Variants in ZNF714 observed in about 807,000 individuals in gnomAD.
ZNF714 encodes zinc finger protein 714.
A neutral mutation model predicts 46.2 loss-of-function variants in ZNF714; 32 were observed. The observed-to-expected ratio is 0.69, with a 90% CI of 0.52 to 0.93. The LOEUF (loss-of-function observed/expected upper bound fraction) is 0.93. Ranked by LOEUF, ZNF714 falls within the 40% of genes least tolerant of loss-of-function variation. The pLI, the probability that ZNF714 is intolerant of heterozygous loss-of-function variation, is 0.00. For missense variants in ZNF714, 635 were observed against 646.3 expected (o/e 0.98, Z 0.19); for synonymous variants, 199 against 213.1 (o/e 0.93, Z 0.58).
chr19:21,096,649 C>G (rs1296241248), intron 2 of ZNF714, among the ~76,000 whole-genome samples: 1 of 152,072 alleles, frequency 6.6e-6, no homozygotes, highest in African/African-American at 2.4e-5. Context: ...GAATTCCTAC[C>G]ATGAATTTAT....
At chr19:21,111,227 G>A (rs1254439845) in intron 4 of ZNF714, among the ~76,000 whole-genome samples, 1 of 151,718 alleles carries the variant, frequency 6.6e-6, no homozygotes, top group Non-Finnish European at 1.5e-5. Flanking sequence ...TTTTGTTTGT[G>A]TCCTCTCTGA....
At chr19:21,115,592 G>A (rs1969576878) in intron 4 of ZNF714, among the ~76,000 whole-genome samples, 1 of 151,420 alleles carries the variant, frequency 6.6e-6, no homozygotes, top group Admixed American at 6.6e-5. Context: ...TTTCCTTCTG[G>A]CCTGCAAAGC....
chr19:21,107,928 A>G (rs1969361153), intron 4 of ZNF714, among the ~76,000 whole-genome samples: 1 of 152,052 alleles, frequency 6.6e-6, no homozygotes, highest in Non-Finnish European at 1.5e-5. Context: ...TGGTCTTCTT[A>G]TTTATTGTCG....
chr19:21,106,580 A>C (rs944587971), intron 4 of ZNF714, among the ~76,000 whole-genome samples: 18 of 151,950 alleles, frequency 1.2e-4, no homozygotes, highest in African/African-American at 4.1e-4. Context: ...AAAAAAAAAA[A>C]AAAACAAATA....
chr19:21,098,961 A>AC, intron 4 of ZNF714, 51 bp downstream of exon 4: 1 of 754,666 alleles, frequency 1.3e-6, no homozygotes, highest in Non-Finnish European at 1.9e-6. Flanking sequence ...TACAAAGGTA[A>AC]AAAAAAAAAA....
rs1300297076 is a variant in ZNF714 at position 21,124,662 on chromosome 19, C to T, written c.*6330C>T. 1.3e-5 allele frequency among the ~76,000 whole-genome samples: 2 copies of T among 152,112 alleles called. No homozygotes were observed. Among genetic ancestry groups the T allele is most frequent in the Non-Finnish European group, 2.9e-5 (2 of 68,016 alleles). On this transcript the variant is annotated 3_prime_UTR_variant, in exon 5 of 5. Transcript: ENST00000456283. ...AAAAATCCAAATACATTATTATGAA[C>T]TATAGTCACCATGTTGTACAATAAA...
At chr19:21,099,209 G>T (rs890145792) in intron 4 of ZNF714, among the ~76,000 whole-genome samples, 2 of 151,688 alleles carry the variant, frequency 1.3e-5, no homozygotes, top group African/African-American at 4.8e-5. Context: ...ACAGAGTTTC[G>T]CTTTGGTTGC....
rs1324362601 is a variant in ZNF714 at position 21,123,887 on chromosome 19, C to G, written c.*5555C>G. 6.6e-6 allele frequency: 1 copy of G among 152,096 alleles called. No individual in the cohort carries two copies. The highest frequency in any genetic ancestry group is 6.5e-5 in the Admixed American group (1 of 15,268). 9.4% of individuals were successfully genotyped at this position (152,096 alleles called of 1,614,324 possible). ...ACGGTTTTTATTTTTAGTCACCAAG[C>G]TGTAGCCAACTCCTGGGTCATTTTC... On this transcript the variant is annotated 3_prime_UTR_variant, in exon 5 of 5. Transcript: ENST00000456283.
chr19:21,099,867 T>G (rs902246760), intron 4 of ZNF714, among the ~76,000 whole-genome samples: 1 of 152,196 alleles, frequency 6.6e-6, no homozygotes, highest in Non-Finnish European at 1.5e-5. Flanking sequence ...AATTTTGTGT[T>G]GTTGTTGAGA....
At chr19:21,085,192 G>A (rs73020644) in intron 2 of ZNF714, among the ~76,000 whole-genome samples, 11,835 of 152,130 alleles carry the variant, frequency 0.078, 510 homozygotes, top group Non-Finnish European at 0.087. Flanking sequence ...ATGTCCATAA[G>A]AAAATGTGGT....
chr19:21,084,051 G>A lies in ZNF714; in HGVS notation c.-103G>A. On this transcript the variant is annotated 5_prime_UTR_variant, in exon 2 of 5. Transcript: ENST00000456283. ...CTGGGGCAGAGAGGAAGCTTCTAGT[G>A]TACTCTTACTTTGAAAAGGTAATCA... The A allele has an allele frequency of 8.4e-7, 1 of 1,191,294 alleles. No individual in the cohort carries two copies. 73.8% of individuals were successfully genotyped at this position (1,191,294 alleles called of 1,614,324 possible). A position where few individuals can be genotyped will look rare whatever the true frequency, so the allele number is the denominator to read the frequency against.
rs530753992 is a variant in ZNF714, at chr19:21,094,211, G to A, written c.-84-3974G>A. 3.3e-5 allele frequency among the ~76,000 whole-genome samples: 5 copies of A among 152,126 alleles called. No individual in the cohort carries two copies. In the South Asian group the frequency reaches 1.0e-3, roughly 32 times the overall value. Reference sequence around the variant, plus strand: ...TTGCCATATTGGCTAGGCTAGCCTCGAACTCCTGACCTCAGGTGATCCACC... The same window carrying A: ...TTGCCATATTGGCTAGGCTAGCCTCAAACTCCTGACCTCAGGTGATCCACC... On this transcript the variant is annotated intron_variant, in intron 2 of 4. Transcript: ENST00000456283.
chr19:21,110,878 C>T (rs1158414913), intron 4 of ZNF714, among the ~76,000 whole-genome samples: 1 of 152,108 alleles, frequency 6.6e-6, no homozygotes, highest in Non-Finnish European at 1.5e-5. Flanking sequence ...TCAGGTTTTT[C>T]AAAGATCAGA....
chr19:21,116,299 G>A (rs1195467144), intron 4 of ZNF714, among the ~76,000 whole-genome samples: 3 of 152,100 alleles, frequency 2.0e-5, no homozygotes, highest in Non-Finnish European at 2.9e-5. Context: ...CTCTGCTGCT[G>A]TAACAATTAC....
intron 4 of ZNF714, among the ~76,000 whole-genome samples, chr19:21,102,663 T>C (rs913418860): frequency 2.0e-5 from 3 of 152,162 alleles, no homozygotes; most frequent in Non-Finnish European, 2.9e-5. Context: ...TTCTGTGAAA[T>C]TTTACTGCCA....
At position 21,123,592 on chromosome 19, in the gene ZNF714, T is replaced by C. The variant is rs2144890141; in HGVS notation, c.*5260T>C. On this transcript the variant is annotated 3_prime_UTR_variant, in exon 5 of 5. Coordinates refer to ENST00000456283, the MANE Select transcript of ZNF714 (RefSeq NM_182515.4). The stretch of plus-strand genomic sequence containing the variant: ...GGATGGTCTCAATCTCCTGACCTCG[T>C]GATCCGCCCGCCTCGACCTCCCAAA... Among the ~76,000 whole-genome samples the C allele has an allele frequency of 6.6e-6, 1 of 152,210 alleles. No homozygotes were observed. The highest frequency in any genetic ancestry group is 6.5e-5 in the Admixed American group (1 of 15,292).
intron 2 of ZNF714, among the ~76,000 whole-genome samples, chr19:21,094,112 T>C (rs929725366): frequency 2.6e-5 from 4 of 152,188 alleles, no homozygotes; most frequent in African/African-American, 9.6e-5. Context: ...TGCCTCAGTT[T>C]CCTATGTAGC....
chr19:21,105,464 AT>A (rs942017048), intron 4 of ZNF714, among the ~76,000 whole-genome samples: 47 of 151,844 alleles, frequency 3.1e-4, no homozygotes, highest in African/African-American at 1.1e-3. Flanking sequence ...AGTCTATTGA[AT>A]TTTTTTTAAT....
rs1028918553 is a variant in ZNF714 at position 21,101,378 on chromosome 19, C to T, written c.142+2468C>T. Among the ~76,000 whole-genome samples the T allele has an allele frequency of 3.9e-5, 6 of 152,258 alleles. No individual in the cohort carries two copies. The East Asian group carries it at 1.2e-3, about 29-fold the overall frequency. ...ACTGCTCAGTCTGCACTAGCATCCA[C>T]CTTTAGATGGTTTGTTACCAAGGGC... is the stretch of plus-strand genomic sequence containing the variant. On this transcript the variant is annotated intron_variant, in intron 4 of 4. Coordinates refer to ENST00000456283, the MANE Select transcript of ZNF714 (RefSeq NM_182515.4).
Sources: gnomAD v4.1 joint callset for allele counts (sites outside exome capture counted in the v4.1 genomes callset) on GRCh38, gnomAD v4.1.1 for gene constraint, MANE v1.5 for transcripts, NCBI Gene and HGNC (gene_info 2026-07-23, HGNC 2026-07-21) for gene names.